PRKN: variants seen among roughly 807,000 people sequenced by gnomAD.
The protein encoded by PRKN is E3 ubiquitin-protein ligase parkin.
PRKN carries 56 observed loss-of-function variants against 59.5 expected under a neutral mutation model. The observed-to-expected ratio is 0.94, with a 90% CI of 0.76 to 1.18. The LOEUF is 1.18. Ranked by LOEUF, PRKN falls within the 50% of genes most tolerant of loss-of-function variation. The pLI is 0.00. For missense variants in PRKN, 657 were observed against 596.4 expected (o/e 1.10, Z -1.06); for synonymous variants, 250 against 222.1 (o/e 1.13, Z -1.12).
chr6:162,570,353 T>A (rs567265493), intron 1 of PRKN, among the ~76,000 whole-genome samples: 1 of 152,276 alleles, frequency 6.6e-6, no homozygotes, highest in Admixed American at 6.5e-5. Context: ...CATATACTGT[T>A]GGTGAAAATG....
rs1448286129 is a variant in PRKN at position 161,460,406 on chromosome 6, G to A, written c.1084-73529C>T. 6.6e-6 allele frequency among the ~76,000 whole-genome samples: 1 copy of A among 152,090 alleles called. No homozygotes were observed. The highest frequency in any genetic ancestry group is 2.4e-5 in the African/African-American group (1 of 41,406). On this transcript the variant is annotated intron_variant, in intron 9 of 11. Coordinates refer to ENST00000366898, the MANE Select transcript of PRKN (RefSeq NM_004562.3). This position sits in a 1 kb window ranked among gnomAD's most constrained non-coding sequence, Gnocchi z 5.0. The stretch of plus-strand genomic sequence containing the variant: ...GCCCAAATATCCATTTAGGATCTCT[G>A]GAATATAATGGGCTATACTTGGCAT...
At chr6:161,658,417 A>C (rs914499579) in intron 7 of PRKN, among the ~76,000 whole-genome samples, 6 of 152,220 alleles carry the variant, frequency 3.9e-5, no homozygotes, top group African/African-American at 1.4e-4. Context: ...CACAGCAGCA[A>C]AGTTAATCAT....
At position 161,801,834 on chromosome 6, in the gene PRKN, G is replaced by A. The variant is rs527411585; in HGVS notation, c.735-15926C>T. Among the ~76,000 whole-genome samples the A allele has an allele frequency of 7.2e-5, 11 of 152,252 alleles. No homozygotes were observed. In the South Asian group the frequency reaches 2.3e-3, roughly 32 times the overall value. On this transcript the variant is annotated intron_variant, in intron 6 of 11. Coordinates refer to ENST00000366898, the MANE Select transcript of PRKN (RefSeq NM_004562.3). ...ACCCCAGGTTTCGGGTGAACAATGG[G>A]ATGTAATGAAGGGACCCCTCTTTTT...
intron 6 of PRKN, among the ~76,000 whole-genome samples, chr6:161,816,196 T>G (rs1192987567): frequency 6.6e-6 from 1 of 152,072 alleles, no homozygotes; most frequent in Non-Finnish European, 1.5e-5. Flanking sequence ...CTGGGACATA[T>G]GCAGCAGCAT....
At chr6:162,388,121 G>T (rs1017175024) in intron 2 of PRKN, among the ~76,000 whole-genome samples, 1 of 152,186 alleles carries the variant, frequency 6.6e-6, no homozygotes, top group Admixed American at 6.5e-5. Flanking sequence ...TGCAATTCTT[G>T]AGTTAATTAT....
intron 6 of PRKN, among the ~76,000 whole-genome samples, chr6:161,885,393 C>CGT (rs1403739062): frequency 2.6e-5 from 4 of 152,038 alleles, no homozygotes; most frequent in Non-Finnish European, 5.9e-5. Flanking sequence ...GGGCCGGGTG[C>CGT]GGTGGCTCAG....
chr6:161,422,665 G>C (rs1788155495), intron 9 of PRKN, among the ~76,000 whole-genome samples: 1 of 151,846 alleles, frequency 6.6e-6, no homozygotes, highest in African/African-American at 2.4e-5. Flanking sequence ...AAGAAAATTT[G>C]AAAGGAATAG....
intron 1 of PRKN, among the ~76,000 whole-genome samples, chr6:162,527,541 ATAGGTTTC>A (rs879405563): frequency 6.6e-6 from 1 of 152,356 alleles, no homozygotes; most frequent in African/African-American, 2.4e-5. Flanking sequence ...CTATCAGCAT[ATAGGTTTC>A]TAGGTTTCTA....
At chr6:162,253,298 C>CTAATA (rs1459824397) in intron 3 of PRKN, among the ~76,000 whole-genome samples, 1 of 152,038 alleles carries the variant, frequency 6.6e-6, no homozygotes, top group Non-Finnish European at 1.5e-5. Context: ...CTAATCTAAT[C>CTAATA]TAATCTAATC....
intron 6 of PRKN, among the ~76,000 whole-genome samples, chr6:161,835,318 T>C (rs568228146): frequency 2.0e-5 from 3 of 152,186 alleles, no homozygotes; most frequent in Admixed American, 6.5e-5. Context: ...AAGGGGGGCT[T>C]CCTGGGGCAG....
At chr6:161,923,680 C>T (rs9458419) in intron 6 of PRKN, among the ~76,000 whole-genome samples, 86,975 of 151,932 alleles carry the variant, frequency 0.57, 25,195 homozygotes, top group African/African-American at 0.67. Flanking sequence ...TGCTATGTAG[C>T]GTCTGAGTTC....
chr6:162,711,618 T>A (rs2128238804), intron 1 of PRKN, among the ~76,000 whole-genome samples: 1 of 152,300 alleles, frequency 6.6e-6, no homozygotes, highest in Non-Finnish European at 1.5e-5. Context: ...CCGTAGCTAA[T>A]GCCATGTTTA....
intron 1 of PRKN, among the ~76,000 whole-genome samples, chr6:162,660,457 T>C (rs1778835302): frequency 1.3e-5 from 2 of 152,210 alleles, no homozygotes; most frequent in Admixed American, 6.5e-5. Context: ...CCTTCCCATG[T>C]AGAAAATGTG....
rs6940565 is a variant in PRKN at position 162,539,631 on chromosome 6, G to A, written c.8-96158C>T. Among the ~76,000 whole-genome samples, 499 of 152,228 alleles carry A rather than the reference G, an allele frequency of 3.3e-3. 3 individuals are homozygous for A. Among genetic ancestry groups the A allele is most frequent in the African/African-American group, 0.011 (477 of 41,540 alleles). ...ATTAAACATCAGACAAAAAAATGTAGGCTGCTTGAATCGCAGCTTAATTGT... is the reference window on the plus strand; with the variant it reads ...ATTAAACATCAGACAAAAAAATGTAAGCTGCTTGAATCGCAGCTTAATTGT... On this transcript the variant is annotated intron_variant, in intron 1 of 11. Coordinates refer to ENST00000366898, the MANE Select transcript of PRKN (RefSeq NM_004562.3).
intron 1 of PRKN, among the ~76,000 whole-genome samples, chr6:162,620,194 G>C (rs1174599414): frequency 3.3e-5 from 5 of 151,834 alleles, no homozygotes; most frequent in African/African-American, 9.7e-5. Flanking sequence ...CTCCTCAACA[G>C]GTTATCATTT....
chr6:162,664,681 G>T (rs1049684673), intron 1 of PRKN, among the ~76,000 whole-genome samples: 1 of 151,910 alleles, frequency 6.6e-6, no homozygotes, highest in Non-Finnish European at 1.5e-5. Context: ...TGTTGGCTGT[G>T]AAAACTTTTG....
chr6:162,293,834 G>A (rs553579286), intron 2 of PRKN, among the ~76,000 whole-genome samples: 14 of 152,118 alleles, frequency 9.2e-5, no homozygotes, highest in South Asian at 4.1e-4. Flanking sequence ...GCCCGCCACC[G>A]CACCCGGCTA....
chr6:162,583,040 G>T (rs1780849597), intron 1 of PRKN, among the ~76,000 whole-genome samples: 1 of 152,250 alleles, frequency 6.6e-6, no homozygotes, highest in African/African-American at 2.4e-5. Context: ...CATTATAAAA[G>T]GGTAAGTTGT....
chr6:162,539,386 T>C (rs1778837552), intron 1 of PRKN, among the ~76,000 whole-genome samples: 1 of 152,218 alleles, frequency 6.6e-6, no homozygotes, highest in Admixed American at 6.5e-5. Flanking sequence ...CCCTGATATG[T>C]CAATTTGCCT....
Sources: allele counts gnomAD v4.1 joint callset (sites outside exome capture counted in the v4.1 genomes callset), GRCh38; gene constraint gnomAD v4.1.1; non-coding constraint Gnocchi (gnomAD v3.1); transcripts MANE v1.5; gene names NCBI Gene and HGNC (gene_info 2026-07-23, HGNC 2026-07-21).